Variants in CNNM2 observed in about 807,000 individuals in gnomAD.
CNNM2 encodes cyclin and CBS domain divalent metal cation transport mediator 2, also known as metal transporter CNNM2.
A neutral mutation model predicts 66.9 loss-of-function variants in CNNM2; 12 were observed. That is an observed-to-expected ratio of 0.18 (90% CI 0.11 to 0.29). The LOEUF (loss-of-function observed/expected upper bound fraction) is 0.29. Ranked by LOEUF, CNNM2 falls within the 10% of genes least tolerant of loss-of-function variation. The probability of loss-of-function intolerance (pLI) is 1.00; values close to 1 mark genes in which losing one functional copy is unlikely to be tolerated. For synonymous variants in CNNM2, 557 were observed against 501.8 expected, an observed-to-expected ratio of 1.11 and a Z score of -1.47; for missense variants, 705 against 1,167.7, an observed-to-expected ratio of 0.60 and a Z score of 5.77.
Position 102,919,308 on chromosome 10 carries a change from C to T in CNNM2, c.828C>T (p.Asn276=), listed in dbSNP as rs371727994. ...TGTCGGGCATGTTCAGCGGCCTCAA[C>T]CTGGGGCTCATGGCCCTGGACCCGA... ...LCLSGMFSGL[N]LGLMALDPME... The change falls in exon 1 of 8, where the codon AAC becomes AAT. Residue 276 remains asparagine, a synonymous_variant. Coordinates refer to ENST00000369878, the MANE Select transcript of CNNM2 (RefSeq NM_017649.5). 2.0e-5 allele frequency: 32 copies of T among 1,613,760 alleles called. No individual in the cohort carries two copies. The highest frequency in any genetic ancestry group is 2.6e-5 in the Non-Finnish European group (31 of 1,180,062).
At position 102,998,468 on chromosome 10, in the gene CNNM2, A is replaced by G. The variant is rs149859921; in HGVS notation, c.1622-51239A>G. On this transcript the variant is annotated intron_variant, in intron 1 of 7. Transcript: ENST00000369878. Reference sequence around the variant, plus strand: ...TTTGTTACAGATCCTTCACGTATATATGCGAACTTAAAGTAAACAAATCTA... The same window carrying G: ...TTTGTTACAGATCCTTCACGTATATGTGCGAACTTAAAGTAAACAAATCTA... Among the ~76,000 whole-genome samples the G allele has an allele frequency of 3.0e-4, 46 of 152,342 alleles. 1 individual carries two copies. In the East Asian group the frequency reaches 8.1e-3, roughly 27 times the overall value.
intron 1 of CNNM2, among the ~76,000 whole-genome samples, chr10:102,929,215 A>G (rs1376363270): frequency 2.6e-5 from 4 of 152,146 alleles, no homozygotes; most frequent in Non-Finnish European, 4.4e-5. Context: ...AGCCGAGATC[A>G]TGCCACTGTA....
intron 1 of CNNM2, among the ~76,000 whole-genome samples, chr10:102,962,491 A>G (rs2063397443): frequency 6.6e-6 from 1 of 152,194 alleles, no homozygotes; most frequent in South Asian, 2.1e-4. Context: ...TCCTGAGGGC[A>G]TGGTCTAACT....
In CNNM2 at chr10:103,087,077, C is replaced by G. The variant is rs2065824792; in HGVS notation, c.*9897C>G. On this transcript the variant is annotated 3_prime_UTR_variant, in exon 8 of 8. Coordinates refer to ENST00000369878, the MANE Select transcript of CNNM2 (RefSeq NM_017649.5). ...CAATGCCTATAGTGTTTTCAAAATG[C>G]CTGGGAAAAAATTCTCAAAAGAAGT... is the stretch of plus-strand genomic sequence containing the variant. 1 of 144,060 alleles carries G rather than the reference C, an allele frequency of 6.9e-6. No homozygotes were observed. Among genetic ancestry groups the G allele is most frequent in the Admixed American group, 7.4e-5 (1 of 13,590 alleles). The allele number at this position is 144,060 out of a possible 1,614,324, so 8.9% of individuals were successfully genotyped here.
At position 103,086,199 on chromosome 10, in the gene CNNM2, AGTT is replaced by A. The variant is rs935113809; in HGVS notation, c.*9022_*9024del. On this transcript the variant is annotated 3_prime_UTR_variant, in exon 8 of 8. Transcript: ENST00000369878. ...GATTTCACTCTCAGGGCCTCCCAAA[AGTT>A]GTGTATCATTTGAAATTGTTCTATT... 6 of 152,180 alleles carry A rather than the reference AGTT, an allele frequency of 3.9e-5. No individual in the cohort carries two copies. The highest frequency in any genetic ancestry group is 1.4e-4 in the African/African-American group (6 of 41,436). The allele number at this position is 152,180 out of a possible 1,614,324, so 9.4% of individuals were successfully genotyped here.
chr10:103,064,306 A>G (rs1215940424), intron 4 of CNNM2, among the ~76,000 whole-genome samples: 5 of 152,242 alleles, frequency 3.3e-5, no homozygotes, highest in Admixed American at 2.0e-4. Context: ...TTGAAGACCT[A>G]TTACTCTGAA....
chr10:103,076,042 T>C (rs1306250672), intron 6 of CNNM2, 44 bp from the exon 7 acceptor site: 1 of 1,526,656 alleles, frequency 6.6e-7, no homozygotes, highest in African/African-American at 1.4e-5. Context: ...TTATTGGCTG[T>C]ATCTACTTCA....
intron 1 of CNNM2, among the ~76,000 whole-genome samples, chr10:103,043,918 T>G (rs2065085008): frequency 6.6e-6 from 1 of 152,174 alleles, no homozygotes; most frequent in Admixed American, 6.5e-5. Flanking sequence ...GGCTAGGAAT[T>G]TAAATACCAG....
In CNNM2 at chr10:103,089,567, G is replaced by T; in HGVS notation, c.*12387G>T. 4.9e-6 allele frequency: 7 copies of T among 1,422,450 alleles called. No homozygotes were observed. The highest frequency in any genetic ancestry group is 6.4e-6 in the Non-Finnish European group (7 of 1,086,068). 88.1% of individuals were successfully genotyped at this position (1,422,450 alleles called of 1,614,324 possible). ...AAACTTTTCAGACGTACCTTTCATG[G>T]AGCCCCCTCCCTCCCCCGAGTAGAA... On this transcript the variant is annotated 3_prime_UTR_variant, in exon 8 of 8. Transcript: ENST00000369878.
At chr10:103,073,908 C>T (rs2065644948) in intron 6 of CNNM2, among the ~76,000 whole-genome samples, 1 of 150,172 alleles carries the variant, frequency 6.7e-6, no homozygotes, top group Non-Finnish European at 1.5e-5. Context: ...TAGAAAATGC[C>T]AGCTGGGCTC....
chr10:103,034,571 G>A (rs2064893947), intron 1 of CNNM2, among the ~76,000 whole-genome samples: 1 of 152,106 alleles, frequency 6.6e-6, no homozygotes, highest in Admixed American at 6.6e-5. Flanking sequence ...TACTTGTGTT[G>A]TAGAAATCAG....
intron 1 of CNNM2, among the ~76,000 whole-genome samples, chr10:103,016,644 T>A (rs1181056032): frequency 6.6e-6 from 1 of 152,216 alleles, no homozygotes; most frequent in African/African-American, 2.4e-5. Flanking sequence ...GTCTAAACTT[T>A]CTATGATGTA....
At chr10:103,068,232 A>G (rs1399485822) in intron 4 of CNNM2, among the ~76,000 whole-genome samples, 1 of 152,244 alleles carries the variant, frequency 6.6e-6, no homozygotes, top group East Asian at 1.9e-4. Flanking sequence ...GGCCAGGCAC[A>G]GTGATTCACG....
At chr10:102,948,005 A>G (rs1846681199) in intron 1 of CNNM2, among the ~76,000 whole-genome samples, 1 of 152,116 alleles carries the variant, frequency 6.6e-6, no homozygotes, top group Admixed American at 6.6e-5. Context: ...GTGAGCCGAG[A>G]TTGCACCACT....
chr10:102,920,747 A>AGTT (rs1275695896), intron 1 of CNNM2, among the ~76,000 whole-genome samples: 1 of 152,164 alleles, frequency 6.6e-6, no homozygotes, highest in African/African-American at 2.4e-5. Context: ...GCTAGAAAAG[A>AGTT]GTTGTTGTTG....
At chr10:103,032,795 G>T (rs141150965) in intron 1 of CNNM2, among the ~76,000 whole-genome samples, 1 of 151,352 alleles carries the variant, frequency 6.6e-6, no homozygotes, top group Non-Finnish European at 1.5e-5. Flanking sequence ...TATCGTGGAT[G>T]TTTAGGTGGT....
intron 1 of CNNM2, among the ~76,000 whole-genome samples, chr10:102,984,693 T>C (rs901673972): frequency 7.2e-5 from 11 of 152,200 alleles, no homozygotes; most frequent in Non-Finnish European, 1.2e-4. Flanking sequence ...ACGGTCTCAC[T>C]CTGTCACCCA....
chr10:103,033,871 A>G (rs2064877887), intron 1 of CNNM2, among the ~76,000 whole-genome samples: 1 of 152,232 alleles, frequency 6.6e-6, no homozygotes, highest in Non-Finnish European at 1.5e-5. Flanking sequence ...AATAGAGAAC[A>G]CTGGGTTTTA....
intron 3 of CNNM2, among the ~76,000 whole-genome samples, chr10:103,055,071 C>A (rs1283221625): frequency 6.6e-6 from 1 of 152,188 alleles, no homozygotes; most frequent in Admixed American, 6.5e-5. Context: ...TTTCAGGAGG[C>A]AAGTGTTCAT....
Sources: gnomAD v4.1 joint callset for allele counts (sites outside exome capture counted in the v4.1 genomes callset) on GRCh38, gnomAD v4.1.1 for gene constraint, MANE v1.5 for transcripts, NCBI Gene and HGNC (gene_info 2026-07-23, HGNC 2026-07-21) for gene names.